Variants in RFX4 observed in about 807,000 individuals in gnomAD.
RFX4 encodes regulatory factor X4, also known as transcription factor RFX4.
RFX4 carries 10 observed loss-of-function variants against 95.0 expected under a neutral mutation model. The observed-to-expected ratio is 0.11, with a 90% CI of 0.06 to 0.18. RFX4 has a LOEUF of 0.18. RFX4 is among the 10% of genes least tolerant of loss of function. The probability of loss-of-function intolerance (pLI) is 1.00; values close to 1 mark genes in which losing one functional copy is unlikely to be tolerated. For synonymous variants in RFX4, 321 were observed against 340.7 expected (o/e 0.94, Z 0.64); for missense variants, 640 against 922.0 (o/e 0.69, Z 3.96).
chr12:106,644,144 C>T (rs1353390953), intron 3 of RFX4, among the ~76,000 whole-genome samples: 1 of 152,006 alleles, frequency 6.6e-6, no homozygotes, highest in East Asian at 1.9e-4. Context: ...TGAAGCTACA[C>T]TCATGGTTCA....
At chr12:106,627,273 C>T (rs1475185398) in intron 2 of RFX4, among the ~76,000 whole-genome samples, 1 of 152,178 alleles carries the variant, frequency 6.6e-6, no homozygotes, top group East Asian at 1.9e-4. Flanking sequence ...CACAGTGGCT[C>T]ATGCCTGTAA....
chr12:106,649,807 G>A (rs1156270903), intron 3 of RFX4, among the ~76,000 whole-genome samples: 1 of 152,124 alleles, frequency 6.6e-6, no homozygotes, highest in Admixed American at 6.5e-5. Context: ...TGGTAGTGGA[G>A]AATGGAGCCC....
chr12:106,602,231 G>A (rs955991262), intron 1 of RFX4, among the ~76,000 whole-genome samples: 1 of 152,156 alleles, frequency 6.6e-6, no homozygotes, highest in East Asian at 1.9e-4. Context: ...CATGTGGAGC[G>A]GGGCAACCAG....
Position 106,723,111 on chromosome 12 carries a change from C to G in RFX4, c.1351+2235C>G, listed in dbSNP as rs2042426526. Among the ~76,000 whole-genome samples the G allele has an allele frequency of 2.0e-5, 3 of 152,184 alleles. No individual in the cohort carries two copies. The East Asian group carries it at 5.8e-4, about 29-fold the overall frequency. ...ACTCTATCACCTCTTCCCAGAACAG[C>G]CTCTTTCAAAGGTAGTTGACTCCTT... On this transcript the variant is annotated intron_variant, in intron 13 of 17. Coordinates refer to ENST00000392842, the MANE Select transcript of RFX4 (RefSeq NM_213594.3).
chr12:106,607,064 GC>G (rs1297713632), intron 1 of RFX4, among the ~76,000 whole-genome samples: 1 of 152,116 alleles, frequency 6.6e-6, no homozygotes, highest in African/African-American at 2.4e-5. Flanking sequence ...AGAGGGCCTG[GC>G]ATGTTCAAAT....
At chr12:106,591,809 G>A (rs898594570) in intron 1 of RFX4, among the ~76,000 whole-genome samples, 1 of 152,100 alleles carries the variant, frequency 6.6e-6, no homozygotes, top group African/African-American at 2.4e-5. Flanking sequence ...GAGCCTTTAG[G>A]TAACTTAAAC....
intron 6 of RFX4, 69 bp downstream of exon 6, chr12:106,687,166 T>A: frequency 1.1e-6 from 1 of 930,032 alleles, no homozygotes; most frequent in East Asian, 2.7e-5. Flanking sequence ...TCTCTGTCTC[T>A]ATCTCTCTCT....
intron 10 of RFX4, 51 bp downstream of exon 10, chr12:106,711,562 A>T (rs1454986626): frequency 6.5e-7 from 1 of 1,533,354 alleles, no homozygotes; most frequent in Admixed American, 1.7e-5. Context: ...ATTGCAAATG[A>T]GGGGGCAAAT....
In RFX4 at chr12:106,583,023, T is replaced by C; in HGVS notation, c.-298T>C. The C allele has an allele frequency of 2.7e-6, 1 of 368,038 alleles. No individual in the cohort carries two copies. The highest frequency in any genetic ancestry group is 4.8e-6 in the Non-Finnish European group (1 of 206,828). 22.8% of individuals were successfully genotyped at this position (368,038 alleles called of 1,614,324 possible). A position where few individuals can be genotyped will look rare whatever the true frequency, so the allele number is the denominator to read the frequency against. ...ACATCCGCAAACATTTTGACGGGTT[T>C]GGCTTTGCCCGGCTGGATTACTGAG... On this transcript the variant is annotated 5_prime_UTR_variant, in exon 1 of 18. Coordinates refer to ENST00000392842, the MANE Select transcript of RFX4 (RefSeq NM_213594.3).
chr12:106,671,913 C>T (rs769044809), intron 4 of RFX4, among the ~76,000 whole-genome samples: 9 of 152,230 alleles, frequency 5.9e-5, no homozygotes, highest in South Asian at 2.1e-4. Flanking sequence ...CCGCCCACCT[C>T]GGCCTCCCAA....
At chr12:106,624,191 A>T (rs1354133108) in intron 2 of RFX4, among the ~76,000 whole-genome samples, 1 of 152,232 alleles carries the variant, frequency 6.6e-6, no homozygotes, top group Admixed American at 6.5e-5. Context: ...TATCATTTAT[A>T]GCTGAAAGGA....
intron 16 of RFX4, among the ~76,000 whole-genome samples, chr12:106,750,219 G>A (rs999179834): frequency 6.6e-6 from 1 of 152,174 alleles, no homozygotes; most frequent in Non-Finnish European, 1.5e-5. Context: ...GCTCATGCCT[G>A]TAATCCCAGC....
At chr12:106,748,425 T>A (rs1445481158) in intron 16 of RFX4, among the ~76,000 whole-genome samples, 1 of 152,210 alleles carries the variant, frequency 6.6e-6, no homozygotes, top group Non-Finnish European at 1.5e-5. Flanking sequence ...GGATTTCCCA[T>A]AGGTTCTAGC....
chr12:106,646,431 C>CA (rs56305939), intron 3 of RFX4, among the ~76,000 whole-genome samples: 1,836 of 66,178 alleles, frequency 0.028, 113 homozygotes, highest in African/African-American at 0.05. Context: ...TAGTTTTATC[C>CA]AAAAAAAAAA....
intron 7 of RFX4, among the ~76,000 whole-genome samples, chr12:106,692,586 G>A (rs1177331999): frequency 6.6e-6 from 1 of 152,120 alleles, no homozygotes; most frequent in Admixed American, 6.5e-5. Flanking sequence ...TATTCCTAAG[G>A]AAATCATCTC....
intron 2 of RFX4, among the ~76,000 whole-genome samples, chr12:106,635,007 A>G (rs11113065): frequency 0.15 from 22,308 of 152,240 alleles, 1,804 homozygotes; most frequent in African/African-American, 0.23. Flanking sequence ...TTCAATAAAT[A>G]TTTGTTGAAC....
chr12:106,636,402 A>G (rs2040513039), intron 2 of RFX4, among the ~76,000 whole-genome samples: 1 of 151,720 alleles, frequency 6.6e-6, no homozygotes, highest in African/African-American at 2.4e-5. Flanking sequence ...AAAAAAAAAA[A>G]AAAAAGAAAA....
At chr12:106,600,644 G>A (rs192204780) in intron 1 of RFX4, among the ~76,000 whole-genome samples, 3 of 152,182 alleles carry the variant, frequency 2.0e-5, no homozygotes, top group Non-Finnish European at 2.9e-5. Flanking sequence ...GCTTCTTAGC[G>A]CACTTGGAAT....
intron 4 of RFX4, among the ~76,000 whole-genome samples, chr12:106,671,206 G>T (rs2041273626): frequency 6.6e-6 from 1 of 152,134 alleles, no homozygotes; most frequent in South Asian, 2.1e-4. Flanking sequence ...CATTGCATTA[G>T]AATTTATTTT....
Sources: allele counts gnomAD v4.1 joint callset (sites outside exome capture counted in the v4.1 genomes callset), GRCh38; gene constraint gnomAD v4.1.1; transcripts MANE v1.5; gene names NCBI Gene and HGNC (gene_info 2026-07-23, HGNC 2026-07-21).